Variants in HIBADH observed in about 807,000 individuals in gnomAD.
The protein encoded by HIBADH is 3-hydroxyisobutyrate dehydrogenase.
HIBADH carries 25 observed loss-of-function variants against 36.1 expected under a neutral mutation model. The observed-to-expected ratio is 0.69, with a 90% CI of 0.50 to 0.97. HIBADH has a LOEUF of 0.97. Ranked by LOEUF, HIBADH falls within the 50% of genes least tolerant of loss-of-function variation. HIBADH has a pLI of 0.00. For missense variants in HIBADH, 421 were observed against 418.0 expected, an observed-to-expected ratio of 1.01 and a Z score of -0.06; for synonymous variants, 160 against 149.5, an observed-to-expected ratio of 1.07 and a Z score of -0.51.
intron 4 of HIBADH, among the ~76,000 whole-genome samples, chr7:27,624,005 C>T (rs1562648776): frequency 6.6e-6 from 1 of 152,116 alleles, no homozygotes; most frequent in Non-Finnish European, 1.5e-5. Flanking sequence ...ACATTGTTGC[C>T]CAGGTTGGTG....
chr7:27,530,367 G>A (rs781252463), intron 7 of HIBADH, among the ~76,000 whole-genome samples: 23 of 151,962 alleles, frequency 1.5e-4, no homozygotes, highest in Non-Finnish European at 3.2e-4. Context: ...CACCACGCCC[G>A]ACTAATTTTT....
chr7:27,571,576 G>A (rs1784629411), intron 4 of HIBADH, among the ~76,000 whole-genome samples: 1 of 151,960 alleles, frequency 6.6e-6, no homozygotes, highest in Non-Finnish European at 1.5e-5. Context: ...ACTCTGTTTT[G>A]GAAACATCAG....
chr7:27,538,933 G>A (rs1377935675), intron 5 of HIBADH, among the ~76,000 whole-genome samples: 1 of 152,070 alleles, frequency 6.6e-6, no homozygotes, highest in Non-Finnish European at 1.5e-5. Flanking sequence ...GATCCGGGGC[G>A]AAGGGTAAAT....
intron 2 of HIBADH, among the ~76,000 whole-genome samples, chr7:27,636,324 C>T (rs140646514): frequency 1.2e-3 from 190 of 152,342 alleles, no homozygotes; most frequent in African/African-American, 4.4e-3. Flanking sequence ...CTTGCCACTC[C>T]TGTGTTTTTT....
intron 4 of HIBADH, among the ~76,000 whole-genome samples, chr7:27,595,746 T>C (rs763307710): frequency 1.8e-4 from 27 of 152,096 alleles, no homozygotes; most frequent in Non-Finnish European, 3.1e-4. Flanking sequence ...CCTAGCACAG[T>C]GCCTGGCAAA....
intron 4 of HIBADH, among the ~76,000 whole-genome samples, chr7:27,559,474 TAAAG>T (rs1475732580): frequency 5.9e-5 from 9 of 151,952 alleles, no homozygotes; most frequent in Non-Finnish European, 1.3e-4. Context: ...ATTTAAAAAA[TAAAG>T]AAAATTAGCC....
At chr7:27,572,033 G>A (rs1331974872) in intron 4 of HIBADH, among the ~76,000 whole-genome samples, 1 of 152,118 alleles carries the variant, frequency 6.6e-6, no homozygotes, top group African/African-American at 2.4e-5. Flanking sequence ...GCCTCTTTGG[G>A]CATTTGGCTT....
intron 4 of HIBADH, among the ~76,000 whole-genome samples, chr7:27,550,561 T>C (rs1784304147): frequency 1.3e-5 from 2 of 152,208 alleles, no homozygotes; most frequent in Admixed American, 1.3e-4. Flanking sequence ...TTCCCTCACA[T>C]GAAATACCCT....
At chr7:27,609,177 C>T (rs1785282440) in intron 4 of HIBADH, among the ~76,000 whole-genome samples, 1 of 152,162 alleles carries the variant, frequency 6.6e-6, no homozygotes. Context: ...CCTTCTCTAA[C>T]ACATTCTTCT....
chr7:27,549,902 A>ATTTCT (rs898928293), intron 4 of HIBADH, among the ~76,000 whole-genome samples: 46 of 152,102 alleles, frequency 3.0e-4, no homozygotes, highest in Admixed American at 1.8e-3. Context: ...ATTACTTAGC[A>ATTTCT]TTTCTTTTCT....
In HIBADH at chr7:27,647,835, C is replaced by T. The variant is rs564193679; in HGVS notation, c.252+1638G>A. On this transcript the variant is annotated intron_variant, in intron 2 of 7. Transcript: ENST00000265395. ...AGCAGTGATGATCATTACAGTCGTT[C>T]CACATACAAGCTGGAAGTACTACAG... 9.1e-5 allele frequency: 19 copies of T among 209,834 alleles called. 2 individuals carry two copies. In the South Asian group the frequency reaches 1.1e-3, roughly 12 times the overall value. The allele number at this position is 209,834 out of a possible 1,614,324, so 13.0% of individuals were successfully genotyped here.
At chr7:27,620,867 G>C (rs145759150) in intron 4 of HIBADH, among the ~76,000 whole-genome samples, 1 of 151,750 alleles carries the variant, frequency 6.6e-6, no homozygotes, top group Non-Finnish European at 1.5e-5. Context: ...CAGGGACAAA[G>C]CCTTGCATAT....
At chr7:27,568,848 T>C (rs185003228) in intron 4 of HIBADH, among the ~76,000 whole-genome samples, 1 of 152,060 alleles carries the variant, frequency 6.6e-6, no homozygotes, top group Non-Finnish European at 1.5e-5. Flanking sequence ...TGGGGCTCAC[T>C]GAGCTTCTTA....
In HIBADH at chr7:27,648,504, T is replaced by C. The variant is rs76562464; in HGVS notation, c.252+969A>G. On this transcript the variant is annotated intron_variant, in intron 2 of 7. Coordinates refer to ENST00000265395, the MANE Select transcript of HIBADH (RefSeq NM_152740.4). ...GTATAGCATTTTTCAGTATTTACTT[T>C]CAAGTCTATTATCTAGAAGCTGGCT... Among the ~76,000 whole-genome samples, 1,419 of 152,364 alleles carry C rather than the reference T, an allele frequency of 9.3e-3. 16 individuals are homozygous for C. The highest frequency in any genetic ancestry group is 0.015 in the Non-Finnish European group (1,041 of 68,038).
rs1785227758 is a variant in HIBADH, at chr7:27,606,299, G to A, written c.484+23072C>T. ...TGACCATCAAGTTCACAATGCTGGTGGGCTGCCTTTTAATCCCTCCGCAGA... is the reference window on the plus strand; with the variant it reads ...TGACCATCAAGTTCACAATGCTGGTAGGCTGCCTTTTAATCCCTCCGCAGA... On this transcript the variant is annotated intron_variant, in intron 4 of 7. Transcript: ENST00000265395. Among the ~76,000 whole-genome samples, 3 of 152,116 alleles carry A rather than the reference G, an allele frequency of 2.0e-5. No individual in the cohort carries two copies. The South Asian group carries it at 6.2e-4, about 32-fold the overall frequency.
At chr7:27,592,969 G>A (rs1477071517) in intron 4 of HIBADH, among the ~76,000 whole-genome samples, 1 of 152,072 alleles carries the variant, frequency 6.6e-6, no homozygotes, top group Non-Finnish European at 1.5e-5. Context: ...CTTCCTCTGT[G>A]CCTAGTTAAC....
intron 2 of HIBADH, among the ~76,000 whole-genome samples, chr7:27,637,262 C>A (rs550319618): frequency 7.7e-4 from 117 of 152,284 alleles, no homozygotes; most frequent in Non-Finnish European, 1.0e-3. Flanking sequence ...ACACAGCTAG[C>A]AAATGGCAGA....
At chr7:27,545,957 A>G (rs145189937) in intron 4 of HIBADH, among the ~76,000 whole-genome samples, 29 of 152,286 alleles carry the variant, frequency 1.9e-4, no homozygotes, top group Admixed American at 4.6e-4. Context: ...GAAATGTTAT[A>G]TTTTGTTTTG....
At chr7:27,624,448 T>TA (rs1785604096) in intron 4 of HIBADH, among the ~76,000 whole-genome samples, 2 of 152,228 alleles carry the variant, frequency 1.3e-5, no homozygotes, top group Admixed American at 6.5e-5. Context: ...TAAATACTTC[T>TA]ATATAATTAT....
Sources: gnomAD v4.1 joint callset for allele counts (sites outside exome capture counted in the v4.1 genomes callset) on GRCh38, gnomAD v4.1.1 for gene constraint, MANE v1.5 for transcripts, NCBI Gene and HGNC (gene_info 2026-07-23, HGNC 2026-07-21) for gene names.